Variants in NRXN3 observed in about 807,000 individuals in gnomAD.
NRXN3 encodes neurexin 3.
Under a neutral mutation model 137.6 loss-of-function variants are expected in NRXN3, and 32 were observed. The ratio of observed to expected loss-of-function variants is 0.23; its 90% CI spans 0.18 to 0.31. The LOEUF is 0.31. Among genes scored for constraint, NRXN3 ranks in the 10% least tolerant of loss-of-function variants. NRXN3 has a pLI of 1.00. For missense variants in NRXN3, 1,574 were observed against 2,062.5 expected, an observed-to-expected ratio of 0.76 and a Z score of 4.59; for synonymous variants, 798 against 784.5, an observed-to-expected ratio of 1.02 and a Z score of -0.29.
intron 8 of NRXN3, among the ~76,000 whole-genome samples, chr14:78,794,606 T>TTGTGTGTG (rs144494895): frequency 1.4e-5 from 2 of 147,006 alleles, no homozygotes; most frequent in African/African-American, 5.0e-5. Flanking sequence ...TCTATTCTAT[T>TTGTGTGTG]TGTGTGTGTG....
intron 4 of NRXN3, among the ~76,000 whole-genome samples, chr14:78,314,942 T>C (rs8014845): frequency 0.48 from 27,400 of 57,204 alleles, 6,988 homozygotes; most frequent in Middle Eastern, 0.57. Context: ...TTTCTTTCTT[T>C]CTTCCTTCCT....
intron 15 of NRXN3, among the ~76,000 whole-genome samples, chr14:79,192,140 G>T (rs1447213337): frequency 6.6e-6 from 1 of 152,146 alleles, no homozygotes; most frequent in Non-Finnish European, 1.5e-5. Context: ...GCCCACCTCG[G>T]CCTCCCAAAG....
intron 15 of NRXN3, among the ~76,000 whole-genome samples, chr14:79,157,871 G>A (rs2060397395): frequency 6.6e-6 from 1 of 151,756 alleles, no homozygotes; most frequent in African/African-American, 2.4e-5. Context: ...ATAAGGGAAA[G>A]ATATTTGTGA....
At chr14:78,421,195 G>A (rs1274886895) in intron 4 of NRXN3, among the ~76,000 whole-genome samples, 5 of 151,560 alleles carry the variant, frequency 3.3e-5, no homozygotes, top group Non-Finnish European at 5.9e-5. Context: ...CCCGGGAGGC[G>A]GAGCTTGCAG....
chr14:79,301,478 C>G lies in NRXN3; in HGVS notation c.3263-165743C>G, dbSNP rs142560173. On this transcript the variant is annotated intron_variant, in intron 15 of 20. Coordinates refer to ENST00000335750, the MANE Select transcript of NRXN3 (RefSeq NM_001330195.2). ...CAACCTGCGCTGCTCGTATTATTGC[C>G]TGAGACCTGTCATCTCGGTAGTTAT... Among the ~76,000 whole-genome samples the G allele has an allele frequency of 4.3e-3, 654 of 152,140 alleles. 11 individuals are homozygous for G. The highest frequency in any genetic ancestry group is 0.015 in the African/African-American group (618 of 41,538).
At position 79,128,968 on chromosome 14, in the gene NRXN3, A is replaced by G. The variant is rs368834399; in HGVS notation, c.3262+140827A>G. On this transcript the variant is annotated intron_variant, in intron 15 of 20. Coordinates refer to ENST00000335750, the MANE Select transcript of NRXN3 (RefSeq NM_001330195.2). Reference sequence around the variant, plus strand: ...AGATTTTCTAGTTTATTTGCATAGAAGTGTTTGTAGTATTCTCTGATGGTA... The same window carrying G: ...AGATTTTCTAGTTTATTTGCATAGAGGTGTTTGTAGTATTCTCTGATGGTA... Among the ~76,000 whole-genome samples, 61 of 152,064 alleles carry G rather than the reference A, an allele frequency of 4.0e-4. 1 individual carries two copies. Among genetic ancestry groups the G allele is most frequent in the Middle Eastern group, 3.4e-3 (1 of 294 alleles).
Position 79,557,741 on chromosome 14 carries a change from C to T in NRXN3, c.3444+90339C>T, listed in dbSNP as rs560679022. ...TTGTCTTGATGTTGATAGCTACTGA[C>T]AGGGTGGCAGTTGCTGGAGGTTGGG... is the stretch of plus-strand genomic sequence containing the variant. On this transcript the variant is annotated intron_variant, in intron 16 of 20. Coordinates refer to ENST00000335750, the MANE Select transcript of NRXN3 (RefSeq NM_001330195.2). Among the ~76,000 whole-genome samples the T allele has an allele frequency of 7.2e-5, 11 of 152,194 alleles. No individual in the cohort carries two copies. In the South Asian group the frequency reaches 2.3e-3, roughly 32 times the overall value.
At chr14:79,455,204 T>G (rs2153593947) in intron 15 of NRXN3, among the ~76,000 whole-genome samples, 1 of 152,332 alleles carries the variant, frequency 6.6e-6, no homozygotes, top group Non-Finnish European at 1.5e-5. Context: ...GAATCTCTTT[T>G]CTCTTCATAG....
intron 15 of NRXN3, among the ~76,000 whole-genome samples, chr14:79,153,206 T>G (rs1245938183): frequency 6.6e-6 from 1 of 151,502 alleles, no homozygotes; most frequent in East Asian, 2.0e-4. Context: ...TCAGCCTAAC[T>G]GCAATGTATC....
chr14:78,491,177 T>C (rs1422966182), intron 4 of NRXN3, among the ~76,000 whole-genome samples: 3 of 152,168 alleles, frequency 2.0e-5, no homozygotes. Flanking sequence ...CGTGAGCTGG[T>C]CCACAGGCCC....
At chr14:79,279,249 C>G (rs2080841139) in intron 15 of NRXN3, 1 of 631,670 alleles carries the variant, frequency 1.6e-6, no homozygotes, top group Admixed American at 6.3e-5. Context: ...GATTCCGGGT[C>G]GCTCTGGCCC....
intron 4 of NRXN3, among the ~76,000 whole-genome samples, chr14:78,559,740 A>G (rs925556525): frequency 5.3e-5 from 8 of 152,226 alleles, no homozygotes; most frequent in African/African-American, 1.9e-4. Context: ...GCAAGTTTGG[A>G]AAAAGTTGAT....
At chr14:79,507,826 A>T (rs181311138) in intron 16 of NRXN3, among the ~76,000 whole-genome samples, 1 of 152,258 alleles carries the variant, frequency 6.6e-6, no homozygotes, top group Admixed American at 6.5e-5. Context: ...GAAAATGGGC[A>T]GGGAGGCTTG....
rs1417064658 is a variant in NRXN3 at position 79,517,096 on chromosome 14, C to CA, written c.3444+49694_3444+49695insA. Among the ~76,000 whole-genome samples, 9 of 135,426 alleles carry CA rather than the reference C, an allele frequency of 6.6e-5. 2 individuals carry two copies. In the South Asian group the frequency reaches 2.0e-3, roughly 30 times the overall value. 88.8% of individuals were successfully genotyped at this position (135,426 alleles called of 152,430 possible). On this transcript the variant is annotated intron_variant, in intron 16 of 20. Transcript: ENST00000335750. ...GAAGTATTACACAAATGTACAGCCC[C>CA]CCCCCCCTCAACGAATGGGAGCGCT...
chr14:79,275,575 G>C (rs540801043), intron 15 of NRXN3, among the ~76,000 whole-genome samples: 1 of 152,220 alleles, frequency 6.6e-6, no homozygotes, highest in East Asian at 1.9e-4. Context: ...GATTCCTGAT[G>C]CCTGACACAT....
chr14:79,552,777 G>C (rs1008449007), intron 16 of NRXN3, among the ~76,000 whole-genome samples: 2 of 152,062 alleles, frequency 1.3e-5, no homozygotes, highest in African/African-American at 4.8e-5. Flanking sequence ...ACAGAACTGC[G>C]CTTCAAACAA....
intron 15 of NRXN3, among the ~76,000 whole-genome samples, chr14:79,270,435 C>T (rs141767342): frequency 3.3e-5 from 5 of 152,256 alleles, no homozygotes; most frequent in African/African-American, 1.2e-4. Flanking sequence ...GGAATATTGT[C>T]GTTTTCATTT....
chr14:78,943,459 G>A (rs976457845), intron 10 of NRXN3, among the ~76,000 whole-genome samples: 2 of 150,658 alleles, frequency 1.3e-5, no homozygotes, highest in Non-Finnish European at 3.0e-5. Flanking sequence ...GCACCCTGGT[G>A]GGACACTCTA....
intron 4 of NRXN3, among the ~76,000 whole-genome samples, chr14:78,314,909 T>C (rs1174966229): frequency 3.6e-5 from 4 of 110,992 alleles, no homozygotes. Flanking sequence ...CTTTCTTTCT[T>C]TCTTTCTTTC....
Sources: allele counts gnomAD v4.1 joint callset (sites outside exome capture counted in the v4.1 genomes callset), GRCh38; gene constraint gnomAD v4.1.1; transcripts MANE v1.5; gene names NCBI Gene and HGNC (gene_info 2026-07-23, HGNC 2026-07-21).